The following TNKS1BP1 variants were observed in gnomAD, a reference collection of about 807,000 sequenced individuals.
TNKS1BP1 encodes CCR4-NOT transcription complex subunit 12, also known as 182 kDa tankyrase-1-binding protein.
TNKS1BP1 carries 48 observed loss-of-function variants against 141.1 expected under a neutral mutation model. The ratio of observed to expected loss-of-function variants is 0.34; its 90% CI spans 0.27 to 0.43. TNKS1BP1 has a LOEUF of 0.43. Among genes scored for constraint, TNKS1BP1 ranks in the 20% least tolerant of loss-of-function variants. The pLI, the probability that TNKS1BP1 is intolerant of heterozygous loss-of-function variation, is 1.00. For synonymous variants in TNKS1BP1, 875 were observed against 898.2 expected, an observed-to-expected ratio of 0.97 and a Z score of 0.46; for missense variants, 2,149 against 2,226.0, an observed-to-expected ratio of 0.97 and a Z score of 0.70.
Position 57,308,676 on chromosome 11 carries a change from G to T in TNKS1BP1, c.4035C>A (p.Thr1345=). The change falls in exon 6 of 12, where the codon ACC becomes ACA. Residue 1345 remains threonine (T), a synonymous_variant. Coordinates refer to ENST00000358252, the MANE Select transcript of TNKS1BP1 (RefSeq NM_033396.3). ...RGCGVGQMDW[T]QDLAPQNVEL... The stretch of plus-strand genomic sequence containing the variant: ...CCACATTCTGGGGCGCCAAGTCCTG[G>T]GTCCAGTCCATCTGCCCCACTCCAC... 6.2e-7 allele frequency: 1 copy of T among 1,612,880 alleles called. No individual in the cohort carries two copies. The highest frequency in any genetic ancestry group is 1.1e-5 in the South Asian group (1 of 91,074).
Position 57,320,313 on chromosome 11 carries a change from A to C in TNKS1BP1, c.494T>G (p.Leu165Arg). The C allele has an allele frequency of 6.2e-7, 1 of 1,614,214 alleles. No homozygotes were observed. Among genetic ancestry groups the C allele is most frequent in the Non-Finnish European group, 8.5e-7 (1 of 1,180,036 alleles). Residue 165 changes from leucine (L) to arginine (R), a missense_variant, in exon 3 of 12, where the codon CTG becomes CGG. Leu to Arg is a moderately radical substitution (Grantham distance 102, BLOSUM62 -2). Transcript: ENST00000358252. ...CTTCCGAGGCTGCTCCATCTTGGCC[A>C]GGATCTCTTCCACCGTGGTGGCCGC... ...RFAATTVEEI[L>R]AKMEQPRKEV... is the part of the protein sequence containing the mutation.
In TNKS1BP1 at chr11:57,308,385, C is replaced by G; in HGVS notation, c.4316+10G>C. The G allele has an allele frequency of 6.2e-7, 1 of 1,602,922 alleles. No homozygotes were observed. Among genetic ancestry groups the G allele is most frequent in the Non-Finnish European group, 8.5e-7 (1 of 1,172,222 alleles). On this transcript the variant is annotated intron_variant, in intron 6 of 11. Coordinates refer to ENST00000358252, the MANE Select transcript of TNKS1BP1 (RefSeq NM_033396.3). ...CCCTCCCACACTTGGGATGGGGCTC[C>G]GTTCATTACCTTGCTCCGAAGCTGA...
Position 57,312,681 on chromosome 11 carries a change from A to G in TNKS1BP1, c.2007T>C (p.Cys669=). The stretch of plus-strand genomic sequence containing the variant: ...GGCCTGGAGGCTCGGGGGATGCCCT[A>G]CACAAGTCTTGAGCCTCTGTCCTGG... The part of the protein sequence containing the change: ...TQARTEAQDL[C]RASPEPPGPE... Residue 669 remains cysteine, a synonymous_variant, in exon 5 of 12, where the codon TGT becomes TGC. Coordinates refer to ENST00000358252, the MANE Select transcript of TNKS1BP1 (RefSeq NM_033396.3). 6.3e-7 allele frequency: 1 copy of G among 1,581,620 alleles called. No individual in the cohort carries two copies. Among genetic ancestry groups the G allele is most frequent in the Non-Finnish European group, 8.6e-7 (1 of 1,164,688 alleles).
rs766645008 is a variant in TNKS1BP1, at chr11:57,300,550, T to C, written c.5180A>G (p.Lys1727Arg). The C allele has an allele frequency of 6.2e-6, 10 of 1,614,132 alleles. No individual in the cohort carries two copies. Among genetic ancestry groups the C allele is most frequent in the African/African-American group, 5.3e-5 (4 of 74,942 alleles). The part of the protein sequence containing the change: ...NWLQALKLKK[K>R]KV ...CACCTCAGTGACTTCTCAGACCTTCTTCTTCTTCAGTTTCAGGGCTTGAAG... is the reference window on the plus strand; with the variant it reads ...CACCTCAGTGACTTCTCAGACCTTCCTCTTCTTCAGTTTCAGGGCTTGAAG... Residue 1727 changes from lysine (K) to arginine (R), a missense_variant, in exon 11 of 12, where the codon AAG (lysine) becomes AGG (arginine). Lys to Arg is a conservative substitution (Grantham distance 26). Transcript: ENST00000358252.
chr11:57,321,925 A>C lies in TNKS1BP1; in HGVS notation c.-40T>G, dbSNP rs752033554. 11 of 1,611,868 alleles carry C rather than the reference A, an allele frequency of 6.8e-6. No individual in the cohort carries two copies. In the South Asian group the frequency reaches 1.2e-4, roughly 18 times the overall value. On this transcript the variant is annotated 5_prime_UTR_variant, in exon 2 of 12. Transcript: ENST00000358252. ...CCTCCTTGAGAGCGGGGAGGCAGAG[A>C]GGTATGAGCTGGGGTGGCTGCAGAC...
rs1855542563 is a variant in TNKS1BP1, at chr11:57,302,561, A to G, written c.4581T>C (p.Ser1527=). Residue 1527 remains serine, a synonymous_variant, in exon 7 of 12, where the codon TCT becomes TCC. Coordinates refer to ENST00000358252, the MANE Select transcript of TNKS1BP1 (RefSeq NM_033396.3). This position sits in a 1 kb window ranked among gnomAD's most constrained non-coding sequence, Gnocchi z 5.5. ...CCTGATCGCTCCACCTGGCTGCTGA[A>G]GAGCCCCAGGTGCCATCCACGTCTT... The part of the protein sequence containing the change: ...QTEDVDGTWG[S]SAARWSDQGP... The G allele has an allele frequency of 1.9e-6, 3 of 1,613,120 alleles. No homozygotes were observed. Among genetic ancestry groups the G allele is most frequent in the African/African-American group, 1.3e-5 (1 of 74,930 alleles).
Position 57,313,791 on chromosome 11 carries a change from A to C in TNKS1BP1, c.897T>G (p.Pro299=). The change falls in exon 5 of 12, where the codon CCT becomes CCG. Residue 299 remains proline, a synonymous_variant. Coordinates refer to ENST00000358252, the MANE Select transcript of TNKS1BP1 (RefSeq NM_033396.3). ...CAGGCGGGTGAAGATGGGGAGAGCCAGGGCCTGAGCCTGAGGCTTCTGCGG... is the reference window on the plus strand; with the variant it reads ...CAGGCGGGTGAAGATGGGGAGAGCCCGGGCCTGAGCCTGAGGCTTCTGCGG... The part of the protein sequence containing the change: ...GLPAEASGSG[P]GSPHLHPPDK... 6.3e-7 allele frequency: 1 copy of C among 1,592,238 alleles called. No homozygotes were observed. Among genetic ancestry groups the C allele is most frequent in the Non-Finnish European group, 8.5e-7 (1 of 1,170,140 alleles).
Position 57,302,185 on chromosome 11 carries a change from C to T in TNKS1BP1, c.4723G>A (p.Ala1575Thr). 1 of 1,613,070 alleles carries T rather than the reference C, an allele frequency of 6.2e-7. No individual in the cohort carries two copies. The highest frequency in any genetic ancestry group is 8.5e-7 in the Non-Finnish European group (1 of 1,179,902). ...TGCCCACGCTTGCGCCCCAAGTTGG[C>T]ACGGCTCCGATACATGGCACTGTCG... is the stretch of plus-strand genomic sequence containing the variant. ...ILDSAMYRSR[A>T]NLGRKRGHRA... Residue 1575 changes from alanine to threonine, a missense_variant, in exon 8 of 12, where the codon GCC becomes ACC. Transcript: ENST00000358252. The surrounding 1 kb of genome is among the most constrained non-coding windows in gnomAD (Gnocchi z 5.5).
chr11:57,310,084 T>A lies in TNKS1BP1; in HGVS notation c.2627A>T (p.Tyr876Phe). 2 of 1,614,172 alleles carry A rather than the reference T, an allele frequency of 1.2e-6. No individual in the cohort carries two copies. The highest frequency in any genetic ancestry group is 1.7e-6 in the Non-Finnish European group (2 of 1,180,030). Reference protein sequence around the residue: ...EFGKRDSLGTYSSRDVSLGDW... With the variant: ...EFGKRDSLGTFSSRDVSLGDW... ...CCCAAGGCTTACATCTCGACTACTG[T>A]AGGTACCCAGTGAATCTCTCTTTCC... Residue 876 changes from tyrosine (Y) to phenylalanine (F), a missense_variant, in exon 6 of 12, where the codon TAC becomes TTC. Tyr to Phe is a conservative substitution (Grantham distance 22, BLOSUM62 3). Transcript: ENST00000358252.
chr11:57,310,256 T>TG lies in TNKS1BP1; in HGVS notation c.2454dup (p.Thr819HisfsTer60). 1 of 1,614,150 alleles carries TG rather than the reference T, an allele frequency of 6.2e-7. No homozygotes were observed. Among genetic ancestry groups the TG allele is most frequent in the Non-Finnish European group, 8.5e-7 (1 of 1,180,022 alleles). The stretch of plus-strand genomic sequence containing the variant: ...TTTCCAACTACCCGGTCCTGGGCTG[T>TG]GAGCACCCCTGGGGCAGACACTTTA... On this transcript the variant is annotated frameshift_variant, in exon 6 of 12. Coordinates refer to ENST00000358252, the MANE Select transcript of TNKS1BP1 (RefSeq NM_033396.3). LOFTEE classifies it high-confidence loss of function.
At chr11:57,320,021 A>G in intron 3 of TNKS1BP1, 58 bp downstream of exon 3, 2 of 546,566 alleles carry the variant, frequency 3.7e-6, no homozygotes, top group Non-Finnish European at 6.1e-6. Flanking sequence ...GCCCCCACCC[A>G]ATCCCACCCC....
In TNKS1BP1 at chr11:57,309,425, G is replaced by A. The variant is rs763808298; in HGVS notation, c.3286C>T (p.Pro1096Ser). The A allele has an allele frequency of 6.2e-7, 1 of 1,614,016 alleles. No individual in the cohort carries two copies. Among genetic ancestry groups the A allele is most frequent in the South Asian group, 1.1e-5 (1 of 91,070 alleles). ...GGGCTAAATGCTGCCTCTCGCTGGG[G>A]GCCAACACTGAGGCTAAACTCACCG... Reference protein sequence around the residue: ...WVGEFSLSVGPQREAAFSPGQ... With the variant: ...WVGEFSLSVGSQREAAFSPGQ... Residue 1096 changes from proline to serine, a missense_variant, in exon 6 of 12, where the codon CCC becomes TCC. Pro to Ser is a moderately conservative substitution (Grantham distance 74). Transcript: ENST00000358252. The surrounding 1 kb of genome is among the most constrained non-coding windows in gnomAD (Gnocchi z 4.3).
In TNKS1BP1 at chr11:57,321,786, T is replaced by C; in HGVS notation, c.94+6A>G. On this transcript the variant is annotated splice_donor_region_variant and intron_variant, in intron 2 of 11. Coordinates refer to ENST00000358252, the MANE Select transcript of TNKS1BP1 (RefSeq NM_033396.3). ...CCACCTGGCTCCACCCTGCACCCATTGGTACCTGGCTCAGAGCCAGTAGGC... is the reference window on the plus strand; with the variant it reads ...CCACCTGGCTCCACCCTGCACCCATCGGTACCTGGCTCAGAGCCAGTAGGC... The C allele has an allele frequency of 7.2e-7, 1 of 1,384,638 alleles. No homozygotes were observed. The highest frequency in any genetic ancestry group is 1.0e-6 in the Non-Finnish European group (1 of 997,682). 85.8% of individuals were successfully genotyped at this position (1,384,638 alleles called of 1,614,324 possible).
At chr11:57,306,907 G>GC (rs1274969372) in intron 6 of TNKS1BP1, among the ~76,000 whole-genome samples, 5 of 150,782 alleles carry the variant, frequency 3.3e-5, no homozygotes, top group East Asian at 2.0e-4. Flanking sequence ...TGGTGGTGGG[G>GC]GGGGGGGTTG....
intron 5 of TNKS1BP1, among the ~76,000 whole-genome samples, chr11:57,311,826 C>T (rs1199616925): frequency 1.3e-5 from 2 of 152,272 alleles, no homozygotes; most frequent in African/African-American, 4.8e-5. Flanking sequence ...CTGCACAAGG[C>T]TAACCTCCTC....
At chr11:57,304,981 G>A (rs1049377872) in intron 6 of TNKS1BP1, among the ~76,000 whole-genome samples, 3 of 152,102 alleles carry the variant, frequency 2.0e-5, no homozygotes, top group East Asian at 1.9e-4. Context: ...AGAGAGTGGC[G>A]AGTGGGGAAA....
intron 6 of TNKS1BP1, among the ~76,000 whole-genome samples, chr11:57,306,903 T>TGGGGGG (rs796934603): frequency 1.4e-5 from 1 of 70,172 alleles, no homozygotes; most frequent in Non-Finnish European, 2.6e-5. Flanking sequence ...GCTGTGGTGG[T>TGGGGGG]GGGGGGGGGG....
chr11:57,317,962 C>T (rs1268912553), intron 3 of TNKS1BP1, 75 bp from the exon 4 acceptor site: 31 of 1,435,704 alleles, frequency 2.2e-5, no homozygotes, highest in Admixed American at 1.9e-4. Context: ...GTGGGAGAGT[C>T]TCCCAGTGCA....
chr11:57,311,075 C>T (rs969900804), intron 5 of TNKS1BP1, among the ~76,000 whole-genome samples: 11 of 152,188 alleles, frequency 7.2e-5, no homozygotes, highest in African/African-American at 2.7e-4. Flanking sequence ...GTACCCAGGC[C>T]CTTCTTCCCC....
Sources: allele counts gnomAD v4.1 joint callset (sites outside exome capture counted in the v4.1 genomes callset), GRCh38; gene constraint gnomAD v4.1.1; non-coding constraint Gnocchi (gnomAD v3.1); transcripts MANE v1.5; gene names NCBI Gene and HGNC (gene_info 2026-07-23, HGNC 2026-07-21).